DCLK1: variants seen among roughly 807,000 people sequenced by gnomAD.
DCLK1 encodes the protein serine/threonine-protein kinase DCLK1.
A neutral mutation model predicts 86.2 loss-of-function variants in DCLK1; 16 were observed. The ratio of observed to expected loss-of-function variants is 0.19; its 90% CI spans 0.13 to 0.28. DCLK1 has a LOEUF of 0.28. DCLK1 is among the 10% of genes least tolerant of loss of function. The pLI, the probability that DCLK1 is intolerant of heterozygous loss-of-function variation, is 1.00. For missense variants in DCLK1, 590 were observed against 940.2 expected (o/e 0.63, Z 4.87); for synonymous variants, 369 against 370.5 (o/e 1.00, Z 0.05).
intron 1 of DCLK1, among the ~76,000 whole-genome samples, chr13:36,129,182 G>A (rs754107203): frequency 1.3e-5 from 2 of 152,226 alleles, no homozygotes; most frequent in Non-Finnish European, 2.9e-5. Context: ...TTACCAGAAA[G>A]AGTGCACATC....
At chr13:35,924,218 C>T (rs888490132) in intron 4 of DCLK1, among the ~76,000 whole-genome samples, 3 of 152,156 alleles carry the variant, frequency 2.0e-5, no homozygotes, top group Admixed American at 6.5e-5. Flanking sequence ...GATTAAAGTC[C>T]AGAGTTTCTG....
intron 4 of DCLK1, among the ~76,000 whole-genome samples, chr13:35,935,094 A>AAAAG: frequency 6.6e-6 from 1 of 152,300 alleles, no homozygotes; most frequent in Middle Eastern, 3.4e-3. Flanking sequence ...GAGAAGAGGA[A>AAAAG]AAAGAGCATT....
chr13:36,108,328 A>G (rs1018485206), intron 3 of DCLK1, among the ~76,000 whole-genome samples: 6 of 152,252 alleles, frequency 3.9e-5, no homozygotes, highest in African/African-American at 1.4e-4. Flanking sequence ...GGCCAATTGC[A>G]GCTTCCTGCA....
At chr13:36,032,994 G>A (rs932822638) in intron 3 of DCLK1, among the ~76,000 whole-genome samples, 9 of 152,176 alleles carry the variant, frequency 5.9e-5, no homozygotes, top group African/African-American at 1.9e-4. Flanking sequence ...ACAGGGGAAC[G>A]TGGATGGGTG....
intron 16 of DCLK1, among the ~76,000 whole-genome samples, chr13:35,784,172 G>A (rs1389356960): frequency 6.6e-6 from 1 of 152,012 alleles, no homozygotes; most frequent in Non-Finnish European, 1.5e-5. Context: ...CTGAGGCAAG[G>A]GCAGAATAAA....
intron 4 of DCLK1, among the ~76,000 whole-genome samples, chr13:35,939,448 T>G (rs1189469669): frequency 6.6e-6 from 1 of 152,254 alleles, no homozygotes; most frequent in Non-Finnish European, 1.5e-5. Context: ...CTCGCTCTTT[T>G]GCCCAGGCAG....
At chr13:35,869,540 A>C (rs1047137451) in intron 5 of DCLK1, among the ~76,000 whole-genome samples, 1 of 152,216 alleles carries the variant, frequency 6.6e-6, no homozygotes, top group Admixed American at 6.5e-5. Flanking sequence ...AAAGGAAGTC[A>C]TCTCTGTCAT....
chr13:35,772,464 G>C lies in DCLK1; in HGVS notation c.*2071C>G, dbSNP rs2086349925. The C allele has an allele frequency of 6.6e-6, 1 of 152,146 alleles. No homozygotes were observed. The highest frequency in any genetic ancestry group is 2.1e-4 in the South Asian group (1 of 4,826). The allele number at this position is 152,146 out of a possible 1,614,324, so 9.4% of individuals were successfully genotyped here. On this transcript the variant is annotated 3_prime_UTR_variant, in exon 17 of 17. Coordinates refer to ENST00000360631, the MANE Select transcript of DCLK1 (RefSeq NM_001330071.2). The stretch of plus-strand genomic sequence containing the variant: ...AGAGCTACTCCATAGCCTTGGAATA[G>C]TGCTTTGCTTTATATTTCTAGAGAA...
intron 3 of DCLK1, among the ~76,000 whole-genome samples, chr13:35,958,157 A>AACCACCACC (rs1254821289): frequency 1.6e-4 from 4 of 24,918 alleles, no homozygotes; most frequent in African/African-American, 3.1e-4. Flanking sequence ...CCACCACTAT[A>AACCACCACC]ACCATCACCA....
At chr13:35,835,941 A>G in intron 8 of DCLK1, 92 bp downstream of exon 8, 1 of 953,974 alleles carries the variant, frequency 1.0e-6, no homozygotes, top group Non-Finnish European at 1.6e-6. Flanking sequence ...CTTATTCCAT[A>G]TGTGCCACAG....
intron 4 of DCLK1, among the ~76,000 whole-genome samples, chr13:35,872,244 A>G (rs960195823): frequency 2.0e-5 from 3 of 152,210 alleles, no homozygotes; most frequent in Non-Finnish European, 2.9e-5. Flanking sequence ...AACACCCCCA[A>G]TAACCCATGA....
chr13:36,063,041 A>G (rs986147477), intron 3 of DCLK1, among the ~76,000 whole-genome samples: 4 of 152,182 alleles, frequency 2.6e-5, no homozygotes, highest in African/African-American at 9.7e-5. Flanking sequence ...CAGTGGCCTC[A>G]TGAGAACAGG....
chr13:36,131,711 A>G (rs1271730009), upstream of DCLK1, among the ~76,000 whole-genome samples: 1 of 152,182 alleles, frequency 6.6e-6, no homozygotes, highest in Non-Finnish European at 1.5e-5. Context: ...CAGAGGTGAT[A>G]TGGCCGAGAG....
intron 3 of DCLK1, among the ~76,000 whole-genome samples, chr13:35,981,677 T>C (rs1175918598): frequency 2.0e-5 from 3 of 152,244 alleles, no homozygotes; most frequent in Admixed American, 1.3e-4. Flanking sequence ...CACATTTTAT[T>C]TATCCATTCT....
intron 4 of DCLK1, among the ~76,000 whole-genome samples, chr13:35,915,576 G>A (rs566272422): frequency 6.6e-6 from 1 of 152,180 alleles, no homozygotes; most frequent in Admixed American, 6.5e-5. Context: ...GTAGTGGTGG[G>A]TTCCTGTAGT....
At chr13:35,826,560 A>G (rs142333626) in intron 10 of DCLK1, among the ~76,000 whole-genome samples, 11,551 of 102,392 alleles carry the variant, frequency 0.11, 3,279 homozygotes, top group Non-Finnish European at 0.15. Flanking sequence ...AGAAAGAAAG[A>G]AACAAGTCCT....
intron 6 of DCLK1, among the ~76,000 whole-genome samples, chr13:35,843,827 A>C (rs17180992): frequency 0.025 from 3,866 of 152,326 alleles, 65 homozygotes; most frequent in Non-Finnish European, 0.037. Context: ...ATGATTTCTG[A>C]ATCAATCTTA....
chr13:35,912,705 C>T (rs1465363891), intron 4 of DCLK1, among the ~76,000 whole-genome samples: 2 of 152,166 alleles, frequency 1.3e-5, no homozygotes, highest in African/African-American at 4.8e-5. Context: ...GGACACCAGA[C>T]AAGAGTTCAG....
At chr13:35,828,204 G>A (rs1193185401) in intron 9 of DCLK1, 46 bp downstream of exon 9, 2 of 1,484,392 alleles carry the variant, frequency 1.3e-6, no homozygotes, top group Non-Finnish European at 1.9e-6. Flanking sequence ...TGTTTCTTTT[G>A]ACCTCTTGAA....
Sources: gnomAD v4.1 joint callset for allele counts (sites outside exome capture counted in the v4.1 genomes callset) on GRCh38, gnomAD v4.1.1 for gene constraint, MANE v1.5 for transcripts, NCBI Gene and HGNC (gene_info 2026-07-23, HGNC 2026-07-21) for gene names.